ZNF827: variants seen among roughly 807,000 people sequenced by gnomAD.
ZNF827 encodes the protein zinc finger protein 827.
In ZNF827, 13 loss-of-function variants were observed where a neutral mutation model predicts 102.4. The observed-to-expected ratio is 0.13, with a 90% CI of 0.08 to 0.20. The LOEUF (loss-of-function observed/expected upper bound fraction) is 0.20. Among genes scored for constraint, ZNF827 ranks in the 10% least tolerant of loss-of-function variants. The pLI is 1.00. For missense variants in ZNF827, 1,103 were observed against 1,344.4 expected (o/e 0.82, Z 2.81); for synonymous variants, 523 against 536.2 (o/e 0.98, Z 0.34).
chr4:145,938,075 G>C (rs769764152), intron 1 of ZNF827, among the ~76,000 whole-genome samples: 2 of 150,794 alleles, frequency 1.3e-5, no homozygotes, highest in African/African-American at 2.4e-5. Context: ...AGTGAGGAGG[G>C]GGAAGGGGAG....
chr4:145,868,661 T>C (rs1317376168), intron 5 of ZNF827, among the ~76,000 whole-genome samples: 2 of 152,236 alleles, frequency 1.3e-5, no homozygotes, highest in Admixed American at 6.5e-5. Context: ...TAAGATAAAA[T>C]ATTTTTCCTT....
At position 145,902,424 on chromosome 4, in the gene ZNF827, G is replaced by C; in HGVS notation, c.835C>G (p.Leu279Val). 2.5e-6 allele frequency: 4 copies of C among 1,614,220 alleles called. No homozygotes were observed. The highest frequency in any genetic ancestry group is 3.4e-6 in the Non-Finnish European group (4 of 1,180,042). The change falls in exon 2 of 15, where the codon CTT becomes GTT. Residue 279 changes from leucine (L) to valine (V), a missense_variant. This residue lies in a region of ZNF827 where 441 missense variants were observed against 458.6 expected (regional missense o/e 0.96). Transcript: ENST00000508784. This position sits in a 1 kb window ranked among gnomAD's most constrained non-coding sequence, Gnocchi z 4.3. ...GAGGAGGTCATAGAAGCCAGGGAAA[G>C]GAAGGAGCTGGCCGGTGGAGGGTGC... The part of the protein sequence containing the change: ...QEHPPPASSF[L>V]SLASMTSSAA...
intron 11 of ZNF827, among the ~76,000 whole-genome samples, chr4:145,771,616 G>A (rs1363904772): frequency 6.6e-6 from 1 of 152,228 alleles, no homozygotes; most frequent in African/African-American, 2.4e-5. Context: ...GAAAGAAGGT[G>A]AGGAGGGATC....
At chr4:145,823,796 G>A (rs547915995) in intron 7 of ZNF827, among the ~76,000 whole-genome samples, 1 of 152,210 alleles carries the variant, frequency 6.6e-6, no homozygotes, top group African/African-American at 2.4e-5. Context: ...ACCCGTAGAG[G>A]AGGACAGCTG....
At chr4:145,928,371 C>T (rs1387281430) in intron 1 of ZNF827, among the ~76,000 whole-genome samples, 3 of 152,202 alleles carry the variant, frequency 2.0e-5, no homozygotes, top group Non-Finnish European at 4.4e-5. Flanking sequence ...GATTCTAATA[C>T]ATCTGGTTGA....
chr4:145,900,892 G>A (rs1751357313), intron 2 of ZNF827, among the ~76,000 whole-genome samples: 1 of 152,100 alleles, frequency 6.6e-6, no homozygotes, highest in Admixed American at 6.6e-5. Flanking sequence ...GAGAAGAGAG[G>A]AGAAGTGGAA....
At chr4:145,924,144 C>G (rs1463966903) in intron 1 of ZNF827, among the ~76,000 whole-genome samples, 1 of 152,170 alleles carries the variant, frequency 6.6e-6, no homozygotes, top group African/African-American at 2.4e-5. Flanking sequence ...CACCAAGGTG[C>G]AGAACACACA....
At chr4:145,849,237 G>A (rs1746282617) in intron 6 of ZNF827, 85 bp downstream of exon 6, 1 of 1,293,688 alleles carries the variant, frequency 7.7e-7, no homozygotes, top group South Asian at 1.5e-5. Context: ...TATAATTCAG[G>A]TTTTTTTTTT....
intron 11 of ZNF827, among the ~76,000 whole-genome samples, chr4:145,767,583 G>C (rs1735497179): frequency 6.6e-6 from 1 of 152,136 alleles, no homozygotes; most frequent in Non-Finnish European, 1.5e-5. Flanking sequence ...CTCAAAATCA[G>C]TGCTAAAGAA....
At chr4:145,913,717 C>T (rs1044194537) in intron 1 of ZNF827, among the ~76,000 whole-genome samples, 1 of 152,152 alleles carries the variant, frequency 6.6e-6, no homozygotes, top group African/African-American at 2.4e-5. Flanking sequence ...CTCAAGCAAT[C>T]AGAAGTAAAT....
At chr4:145,925,794 A>G (rs551424781) in intron 1 of ZNF827, among the ~76,000 whole-genome samples, 31 of 152,324 alleles carry the variant, frequency 2.0e-4, no homozygotes, top group African/African-American at 6.7e-4. Flanking sequence ...GTATTAAACA[A>G]TTTTAGAGTT....
intron 7 of ZNF827, chr4:145,830,881 C>T (rs1408900236): frequency 6.6e-6 from 1 of 152,238 alleles, no homozygotes; most frequent in East Asian, 1.9e-4. Context: ...CATGTGTGGT[C>T]TTCCTAACTT....
At position 145,905,590 on chromosome 4, in the gene ZNF827, C is replaced by T. The variant is rs559813778; in HGVS notation, c.44-2375G>A. ...TTTTCATCTTTCCTGAAATTGGCGGCGACCCTAAACTCATCATTTCCCCAG... is the reference window on the plus strand; with the variant it reads ...TTTTCATCTTTCCTGAAATTGGCGGTGACCCTAAACTCATCATTTCCCCAG... On this transcript the variant is annotated intron_variant, in intron 1 of 14. Transcript: ENST00000508784. Among the ~76,000 whole-genome samples, 17 of 152,280 alleles carry T rather than the reference C, an allele frequency of 1.1e-4. No homozygotes were observed. In the South Asian group the frequency reaches 3.1e-3, roughly 28 times the overall value.
chr4:145,762,984 C>T lies in ZNF827; in HGVS notation c.*17+106G>A, dbSNP rs1049359838. ...ACGGCCTCCTCAGCGCCAAGCTCGC[C>T]GTTAGCCTTTGAACCTCAGCTCACA... On this transcript the variant is annotated intron_variant, in intron 14 of 14. Coordinates refer to ENST00000508784, the MANE Select transcript of ZNF827 (RefSeq NM_001306215.2). This position sits in a 1 kb window ranked among gnomAD's most constrained non-coding sequence, Gnocchi z 4.9. 1.5e-5 allele frequency: 17 copies of T among 1,139,368 alleles called. No homozygotes were observed. The highest frequency in any genetic ancestry group is 4.4e-5 in the South Asian group (3 of 67,592). 70.6% of individuals were successfully genotyped at this position (1,139,368 alleles called of 1,614,324 possible). A position where few individuals can be genotyped will look rare whatever the true frequency, so the allele number is the denominator to read the frequency against.
At chr4:145,907,446 C>T (rs1561067693) in intron 1 of ZNF827, among the ~76,000 whole-genome samples, 1 of 152,188 alleles carries the variant, frequency 6.6e-6, no homozygotes, top group Non-Finnish European at 1.5e-5. Flanking sequence ...CTGGACACAA[C>T]AAACTTTAGA....
chr4:145,760,404 T>A lies in ZNF827; in HGVS notation c.*1212A>T, dbSNP rs1206001867. ...AAACCAAATGCACCAGTATATAAGCTTACAAGTGCTGATTGCTATTAAGGA... is the reference window on the plus strand; with the variant it reads ...AAACCAAATGCACCAGTATATAAGCATACAAGTGCTGATTGCTATTAAGGA... On this transcript the variant is annotated 3_prime_UTR_variant, in exon 15 of 15. Coordinates refer to ENST00000508784, the MANE Select transcript of ZNF827 (RefSeq NM_001306215.2). 6.5e-6 allele frequency: 1 copy of A among 152,982 alleles called. No homozygotes were observed. The highest frequency in any genetic ancestry group is 2.4e-5 in the African/African-American group (1 of 41,434). The allele number at this position is 152,982 out of a possible 1,614,324, so 9.5% of individuals were successfully genotyped here.
At chr4:145,868,005 G>GT (rs1748354545) in intron 5 of ZNF827, among the ~76,000 whole-genome samples, 1 of 152,146 alleles carries the variant, frequency 6.6e-6, no homozygotes, top group African/African-American at 2.4e-5. Flanking sequence ...AACACACAAA[G>GT]TTTTTTCCTA....
intron 4 of ZNF827, among the ~76,000 whole-genome samples, chr4:145,880,423 C>T (rs538006772): frequency 1.3e-5 from 2 of 152,280 alleles, no homozygotes; most frequent in African/African-American, 4.8e-5. Context: ...GAGTAACTAG[C>T]GTAAGAACTC....
intron 1 of ZNF827, among the ~76,000 whole-genome samples, chr4:145,914,062 G>GACACACACACACAC (rs34866639): frequency 6.1e-5 from 9 of 148,216 alleles, no homozygotes; most frequent in African/African-American, 2.0e-4. Flanking sequence ...TTTCTTTGTA[G>GACACACACACACAC]ACACACACAC....
Sources: allele counts gnomAD v4.1 joint callset (sites outside exome capture counted in the v4.1 genomes callset), GRCh38; gene constraint gnomAD v4.1.1; regional missense constraint gnomAD v4.1.1; non-coding constraint Gnocchi (gnomAD v3.1); transcripts MANE v1.5; gene names NCBI Gene and HGNC (gene_info 2026-07-23, HGNC 2026-07-21).